Variants in TSPEAR observed in about 807,000 individuals in gnomAD.
TSPEAR encodes thrombospondin-type laminin G domain and EAR repeat-containing protein.
Under a neutral mutation model 71.6 loss-of-function variants are expected in TSPEAR, and 69 were observed. The observed-to-expected ratio is 0.96, with a 90% CI of 0.79 to 1.18. The LOEUF is 1.18. TSPEAR is among the 50% of genes most tolerant of loss of function. The probability of loss-of-function intolerance (pLI) is 0.00; values close to 1 mark genes in which losing one functional copy is unlikely to be tolerated. For synonymous variants in TSPEAR, 402 were observed against 387.2 expected, an observed-to-expected ratio of 1.04 and a Z score of -0.45; for missense variants, 971 against 894.9, an observed-to-expected ratio of 1.09 and a Z score of -1.09.
At chr21:44,599,172 C>CTCAATGTA (rs1372930980) in intron 1 of TSPEAR, among the ~76,000 whole-genome samples, 2,654 of 146,064 alleles carry the variant, frequency 0.018, 120 homozygotes, top group African/African-American at 0.061. Flanking sequence ...CTCTCTCTCT[C>CTCAATGTA]CTTCCATCCC....
chr21:44,629,366 G>T (rs1555935304), intron 1 of TSPEAR, among the ~76,000 whole-genome samples: 1 of 152,166 alleles, frequency 6.6e-6, no homozygotes, highest in African/African-American at 2.4e-5. Context: ...TGGCAGGGCT[G>T]GTTCCCGAAG....
At chr21:44,574,394 T>G (rs1174544736) in intron 1 of TSPEAR, 17 of 1,602,384 alleles carry the variant, frequency 1.1e-5, no homozygotes, top group Non-Finnish European at 1.2e-5. Flanking sequence ...GCCAGCAGTC[T>G]AGCTGCCAGC....
intron 1 of TSPEAR, among the ~76,000 whole-genome samples, chr21:44,578,072 T>C (rs1002766461): frequency 2.6e-5 from 4 of 152,220 alleles, no homozygotes; most frequent in African/African-American, 9.6e-5. Flanking sequence ...CCTTCCACCA[T>C]GATTGTGAGG....
chr21:44,509,122 T>G (rs1233831877), intron 10 of TSPEAR, 77 bp downstream of exon 10: 91 of 1,499,998 alleles, frequency 6.1e-5, no homozygotes, highest in Non-Finnish European at 8.1e-5. Context: ...GTGGTGAGGA[T>G]GAGCCTAACG....
intron 4 of TSPEAR, 132 bp from the exon 5 acceptor site, chr21:44,530,086 C>T: frequency 2.1e-6 from 2 of 934,664 alleles, no homozygotes; most frequent in African/African-American, 1.7e-5. Context: ...TTTTGCAGAG[C>T]TAACTGGGAA....
intron 1 of TSPEAR, among the ~76,000 whole-genome samples, chr21:44,706,072 C>T (rs1310735457): frequency 6.6e-6 from 1 of 152,164 alleles, no homozygotes; most frequent in Non-Finnish European, 1.5e-5. Flanking sequence ...ACGTGATTAT[C>T]GGGGCAGGTC....
In TSPEAR at chr21:44,539,168, G is replaced by T. The variant is rs1478712740; in HGVS notation, c.304-5245C>A. 5 of 1,413,294 alleles carry T rather than the reference G, an allele frequency of 3.5e-6. No individual in the cohort carries two copies. In the African/African-American group the frequency reaches 4.3e-5, roughly 12 times the overall value. The allele number at this position is 1,413,294 out of a possible 1,614,324, so 87.5% of individuals were successfully genotyped here. ...AGGCTCCTGGGAGCAAGGAGGGGGG[G>T]TCACCTCAGCACAGGGGAGACACGG... On this transcript the variant is annotated intron_variant, in intron 2 of 11. Transcript: ENST00000323084.
chr21:44,521,675 C>G (rs1395036102), intron 9 of TSPEAR, among the ~76,000 whole-genome samples: 5 of 152,250 alleles, frequency 3.3e-5, no homozygotes, highest in African/African-American at 9.6e-5. Context: ...CGCACAGAGG[C>G]TCTCAGGCAA....
At chr21:44,536,209 G>A (rs2053089061) in intron 2 of TSPEAR, among the ~76,000 whole-genome samples, 1 of 152,182 alleles carries the variant, frequency 6.6e-6, no homozygotes, top group South Asian at 2.1e-4. Context: ...GGCGGTGCTG[G>A]GCTTCTCCCA....
intron 1 of TSPEAR, among the ~76,000 whole-genome samples, chr21:44,582,545 T>G (rs1001604209): frequency 6.6e-6 from 1 of 152,192 alleles, no homozygotes; most frequent in Non-Finnish European, 1.5e-5. Flanking sequence ...TGATTCCTTG[T>G]CTCTTTATTC....
intron 1 of TSPEAR, among the ~76,000 whole-genome samples, chr21:44,608,539 A>C (rs1396935478): frequency 6.6e-6 from 1 of 152,242 alleles, no homozygotes; most frequent in Non-Finnish European, 1.5e-5. Context: ...ATACATAATA[A>C]ATTTCTGCAA....
chr21:44,518,521 AT>A (rs1390695457), intron 9 of TSPEAR: 3 of 402,436 alleles, frequency 7.5e-6, no homozygotes, highest in Non-Finnish European at 1.6e-5. Context: ...TCACTTTGTG[AT>A]TTAGAATGCA....
chr21:44,521,501 GC>G (rs2052732570), intron 9 of TSPEAR, among the ~76,000 whole-genome samples: 1 of 152,228 alleles, frequency 6.6e-6, no homozygotes, highest in Non-Finnish European at 1.5e-5. Context: ...CAGGGCCAGG[GC>G]CCTGACGACC....
At chr21:44,703,803 C>T (rs1987773942) in intron 1 of TSPEAR, among the ~76,000 whole-genome samples, 1 of 152,088 alleles carries the variant, frequency 6.6e-6, no homozygotes, top group African/African-American at 2.4e-5. Context: ...TTCCAGGATC[C>T]CCAAGGGTCC....
intron 6 of TSPEAR, 74 bp from the exon 7 acceptor site, chr21:44,527,592 G>T: frequency 2.1e-6 from 3 of 1,456,782 alleles, no homozygotes; most frequent in Non-Finnish European, 1.9e-6. Context: ...GCGGGAGCGC[G>T]ATTCCCAAGC....
intron 2 of TSPEAR, among the ~76,000 whole-genome samples, chr21:44,554,820 C>T (rs191763466): frequency 5.3e-5 from 8 of 152,094 alleles, no homozygotes; most frequent in Admixed American, 1.3e-4. Flanking sequence ...ATTGTATGTG[C>T]GGTTCTGTTT....
At position 44,710,241 on chromosome 21, in the gene TSPEAR, T is replaced by A. The variant is rs1988147977; in HGVS notation, c.82+1192A>T. On this transcript the variant is annotated intron_variant, in intron 1 of 11. Transcript: ENST00000323084. The surrounding 1 kb of genome is among the most constrained non-coding windows in gnomAD (Gnocchi z 4.6). ...TCGTATTGTTTGCAGAATCACCCAG[T>A]TCCAAGGCAGTCCCTGCGGGCAGGT... Among the ~76,000 whole-genome samples, 1 of 152,196 alleles carries A rather than the reference T, an allele frequency of 6.6e-6. No homozygotes were observed. Among genetic ancestry groups the A allele is most frequent in the Non-Finnish European group, 1.5e-5 (1 of 68,024 alleles).
chr21:44,625,595 C>G (rs1434951148), intron 1 of TSPEAR, among the ~76,000 whole-genome samples: 1 of 152,268 alleles, frequency 6.6e-6, no homozygotes, highest in African/African-American at 2.4e-5. Flanking sequence ...GTCCTATCCC[C>G]AGCGTTCCCA....
intron 1 of TSPEAR, among the ~76,000 whole-genome samples, chr21:44,650,767 G>A (rs1555941280): frequency 6.6e-6 from 1 of 152,224 alleles, no homozygotes; most frequent in East Asian, 1.9e-4. Context: ...CCAGGGAAAT[G>A]GGGCTGGGGG....
Sources: gnomAD v4.1 joint callset for allele counts (sites outside exome capture counted in the v4.1 genomes callset) on GRCh38, gnomAD v4.1.1 for gene constraint, Gnocchi (gnomAD v3.1) non-coding constraint, MANE v1.5 for transcripts, NCBI Gene and HGNC (gene_info 2026-07-23, HGNC 2026-07-21) for gene names.